IFT80: variants seen among roughly 807,000 people sequenced by gnomAD.
The protein encoded by IFT80 is intraflagellar transport 80, also known as intraflagellar transport protein 80 homolog.
A neutral mutation model predicts 107.9 loss-of-function variants in IFT80; 79 were observed. That is an observed-to-expected ratio of 0.73 (90% confidence interval 0.61 to 0.88). The LOEUF (loss-of-function observed/expected upper bound fraction) is 0.88. Among genes scored for constraint, IFT80 ranks in the 40% least tolerant of loss-of-function variants. IFT80 has a pLI of 0.00. For missense variants in IFT80, 797 were observed against 914.2 expected, an observed-to-expected ratio of 0.87 and a Z score of 1.65; for synonymous variants, 299 against 300.9, an observed-to-expected ratio of 0.99 and a Z score of 0.07.
intron 4 of IFT80, among the ~76,000 whole-genome samples, chr3:160,376,127 G>A (rs1295294111): frequency 1.3e-5 from 2 of 152,124 alleles, no homozygotes; most frequent in African/African-American, 2.4e-5. Flanking sequence ...CTTTCATGAC[G>A]AAAATTTTTA....
intron 9 of IFT80, among the ~76,000 whole-genome samples, chr3:160,314,036 T>G (rs1216115516): frequency 6.6e-6 from 1 of 152,210 alleles, no homozygotes; most frequent in Non-Finnish European, 1.5e-5. Flanking sequence ...CAGATTGACA[T>G]AAGTCTAAAC....
intron 8 of IFT80, among the ~76,000 whole-genome samples, chr3:160,324,638 T>C (rs1048139001): frequency 2.6e-5 from 4 of 152,014 alleles, no homozygotes; most frequent in Non-Finnish European, 4.4e-5. Flanking sequence ...CTCAAAATAA[T>C]AAGAGCTATC....
At chr3:160,345,893 T>G (rs1039437658) in intron 8 of IFT80, among the ~76,000 whole-genome samples, 1 of 151,624 alleles carries the variant, frequency 6.6e-6, no homozygotes, top group Admixed American at 6.6e-5. Context: ...ACTAAAGGAG[T>G]ATAATTGGAT....
intron 15 of IFT80, 34 bp downstream of exon 15, chr3:160,280,633 C>G: frequency 6.3e-7 from 1 of 1,577,120 alleles, no homozygotes; most frequent in Non-Finnish European, 8.7e-7. Flanking sequence ...GTTTTATTTA[C>G]TACAAAACAG....
intron 12 of IFT80, among the ~76,000 whole-genome samples, chr3:160,294,335 C>T (rs897243221): frequency 1.2e-4 from 19 of 152,320 alleles, no homozygotes; most frequent in African/African-American, 4.6e-4. Flanking sequence ...ATCTTCCCAC[C>T]TCAGCCTCCC....
intron 6 of IFT80, among the ~76,000 whole-genome samples, chr3:160,363,054 A>G (rs1576872813): frequency 6.6e-6 from 1 of 151,050 alleles, no homozygotes; most frequent in Non-Finnish European, 1.5e-5. Context: ...AGGGTATTCA[A>G]TTAGGAAAAG....
chr3:160,395,126 A>T (rs1025689046), intron 1 of IFT80, among the ~76,000 whole-genome samples: 11 of 152,216 alleles, frequency 7.2e-5, no homozygotes, highest in African/African-American at 2.7e-4. Flanking sequence ...CCTAATTTTT[A>T]TGCATTTCTG....
chr3:160,346,846 T>C (rs899404102), intron 8 of IFT80, among the ~76,000 whole-genome samples: 1 of 152,188 alleles, frequency 6.6e-6, no homozygotes, highest in Non-Finnish European at 1.5e-5. Context: ...TCACTCCTTG[T>C]TTGTTCATAA....
intron 3 of IFT80, 78 bp from the exon 4 acceptor site, chr3:160,377,618 C>T: frequency 2.7e-6 from 2 of 745,900 alleles, no homozygotes; most frequent in Admixed American, 2.2e-5. Flanking sequence ...AAGTAATAGG[C>T]ACTAAAGGCA....
At chr3:160,320,152 T>C (rs1203233494) in intron 8 of IFT80, 2 of 511,344 alleles carry the variant, frequency 3.9e-6, no homozygotes, top group Admixed American at 7.1e-5. Context: ...AAACAGTGTA[T>C]GAAATATCTC....
intron 18 of IFT80, among the ~76,000 whole-genome samples, chr3:160,270,745 A>G (rs1019146879): frequency 4.6e-5 from 7 of 152,134 alleles, no homozygotes; most frequent in African/African-American, 1.7e-4. Flanking sequence ...TAATCCCCCC[A>G]TGTATATCCC....
intron 2 of IFT80, chr3:160,383,338 G>C (rs547639332): frequency 1.4e-4 from 66 of 478,682 alleles, no homozygotes; most frequent in Non-Finnish European, 1.7e-4. Context: ...CATTTTTTTT[G>C]AAAAGACAGT....
chr3:160,324,333 G>A (rs533994982), intron 8 of IFT80, among the ~76,000 whole-genome samples: 3 of 152,180 alleles, frequency 2.0e-5, no homozygotes, highest in Admixed American at 6.6e-5. Context: ...CCAAAAAAGA[G>A]AATTTTAGAC....
At chr3:160,353,224 T>A (rs1158725327) in intron 8 of IFT80, among the ~76,000 whole-genome samples, 1 of 152,164 alleles carries the variant, frequency 6.6e-6, no homozygotes, top group African/African-American at 2.4e-5. Context: ...ACACCATCCA[T>A]GGCTCTCTAC....
At chr3:160,389,312 C>T (rs111800736) in intron 1 of IFT80, among the ~76,000 whole-genome samples, 22,814 of 151,988 alleles carry the variant, frequency 0.15, 2,170 homozygotes, top group Non-Finnish European at 0.21. Context: ...TGAAATCATC[C>T]TTAAAAAATG....
intron 5 of IFT80, among the ~76,000 whole-genome samples, chr3:160,371,804 T>G (rs1047192090): frequency 1.3e-5 from 2 of 152,234 alleles, no homozygotes; most frequent in Non-Finnish European, 2.9e-5. Flanking sequence ...GTTCCATGTT[T>G]TGTTGTTCTA....
At chr3:160,352,139 C>T (rs935045808) in intron 8 of IFT80, among the ~76,000 whole-genome samples, 10 of 151,942 alleles carry the variant, frequency 6.6e-5, no homozygotes, top group Non-Finnish European at 4.4e-5. Context: ...CCTCAGCACC[C>T]GCCACCACGC....
chr3:160,324,213 G>C (rs1718497378), intron 8 of IFT80, among the ~76,000 whole-genome samples: 1 of 152,102 alleles, frequency 6.6e-6, no homozygotes, highest in Admixed American at 6.6e-5. Flanking sequence ...AGGAGGAACT[G>C]GTACCATTCC....
intron 1 of IFT80, chr3:160,394,037 T>C (rs769932269): frequency 6.6e-6 from 1 of 152,180 alleles, no homozygotes; most frequent in African/African-American, 2.4e-5. Flanking sequence ...TCTTCTCCAA[T>C]AGAGAAAGAA....
Sources: allele counts gnomAD v4.1 joint callset (sites outside exome capture counted in the v4.1 genomes callset), GRCh38; gene constraint gnomAD v4.1.1; transcripts MANE v1.5; gene names NCBI Gene and HGNC (gene_info 2026-07-23, HGNC 2026-07-21).